Variants in SUSD5 observed in about 807,000 individuals in gnomAD.
The protein encoded by SUSD5 is sushi domain containing 5.
Under a neutral mutation model 29.5 loss-of-function variants are expected in SUSD5, and 33 were observed. That is an observed-to-expected ratio of 1.12 (90% CI 0.85 to 1.49). SUSD5 has a LOEUF of 1.49. Among genes scored for constraint, SUSD5 ranks in the 40% most tolerant of loss-of-function variants. The pLI, the probability that SUSD5 is intolerant of heterozygous loss-of-function variation, is 0.00. For synonymous variants in SUSD5, 308 were observed against 325.3 expected, an observed-to-expected ratio of 0.95 and a Z score of 0.57; for missense variants, 776 against 800.6, an observed-to-expected ratio of 0.97 and a Z score of 0.37.
intron 3 of SUSD5, among the ~76,000 whole-genome samples, chr3:33,199,084 T>C (rs1257032447): frequency 6.6e-6 from 1 of 152,118 alleles, no homozygotes; most frequent in East Asian, 1.9e-4. Context: ...CAATAATGCA[T>C]GCGCACTACT....
At chr3:33,202,066 A>ATCTATCTG (rs1553622594) in intron 3 of SUSD5, among the ~76,000 whole-genome samples, 79 of 104,386 alleles carry the variant, frequency 7.6e-4, no homozygotes, top group Non-Finnish European at 1.2e-3. Flanking sequence ...CTATCTGTCT[A>ATCTATCTG]TCTATCTATC....
chr3:33,171,464 A>AT (rs138849338), intron 4 of SUSD5, among the ~76,000 whole-genome samples: 5 of 152,066 alleles, frequency 3.3e-5, no homozygotes, highest in African/African-American at 1.2e-4. Context: ...GTTGTAGGAA[A>AT]TTTTTTTAAA....
chr3:33,190,894 C>T (rs1275444299), intron 3 of SUSD5, among the ~76,000 whole-genome samples: 1 of 152,148 alleles, frequency 6.6e-6, no homozygotes, highest in Non-Finnish European at 1.5e-5. Context: ...TCATCTCTCT[C>T]CAAAATCATT....
intron 2 of SUSD5, among the ~76,000 whole-genome samples, chr3:33,210,326 G>C (rs1372047119): frequency 6.6e-6 from 1 of 152,134 alleles, no homozygotes; most frequent in South Asian, 2.1e-4. Flanking sequence ...CTTACCCTTA[G>C]GGCATAGCCC....
intron 3 of SUSD5, among the ~76,000 whole-genome samples, chr3:33,183,938 T>A: frequency 1.0e-5 from 1 of 98,058 alleles, no homozygotes; most frequent in South Asian, 3.1e-4. Context: ...CTCTTTTTTT[T>A]TTTTTTTTTT....
intron 1 of SUSD5, 46 bp from the exon 2 acceptor site, chr3:33,214,151 G>A (rs1423767358): frequency 6.5e-7 from 1 of 1,532,940 alleles, no homozygotes; most frequent in Non-Finnish European, 8.8e-7. Flanking sequence ...AGGATCCATG[G>A]GAAGTTAGTC....
At chr3:33,216,640 A>T (rs569776823) in intron 1 of SUSD5, among the ~76,000 whole-genome samples, 5 of 152,202 alleles carry the variant, frequency 3.3e-5, no homozygotes, top group African/African-American at 7.2e-5. Context: ...GCCCACGCAC[A>T]TGATTTCAAA....
intron 4 of SUSD5, among the ~76,000 whole-genome samples, chr3:33,159,668 T>C (rs933149310): frequency 3.3e-5 from 5 of 151,016 alleles, no homozygotes; most frequent in Admixed American, 2.0e-4. Context: ...CCCTCCCCCA[T>C]ACCTACCAAA....
At position 33,153,364 on chromosome 3, in the gene SUSD5, C is replaced by T; in HGVS notation, c.1268G>A (p.Ser423Asn). The change falls in exon 5 of 5, where the codon AGC becomes AAC. Residue 423 changes from serine to asparagine, a missense_variant. Transcript: ENST00000309558. Reference sequence around the variant, plus strand: ...CATGCCCTCGCTTGGTGTGAGGGTGCTACTCTTGGGCTTCTTAACTTCCAC... The same window carrying T: ...CATGCCCTCGCTTGGTGTGAGGGTGTTACTCTTGGGCTTCTTAACTTCCAC... ...ILVEVKKPKS[S>N]TLTPSEGMTH... 1 of 1,613,846 alleles carries T rather than the reference C, an allele frequency of 6.2e-7. No homozygotes were observed. Among genetic ancestry groups the T allele is most frequent in the South Asian group, 1.1e-5 (1 of 91,060 alleles).
intron 2 of SUSD5, 117 bp from the exon 3 acceptor site, chr3:33,208,043 T>A (rs774479925): frequency 1.4e-6 from 1 of 717,914 alleles, no homozygotes; most frequent in East Asian, 2.6e-5. Context: ...TCATGAGCTC[T>A]GTCTGAAAGC....
chr3:33,206,426 T>C (rs1354350788), intron 3 of SUSD5, among the ~76,000 whole-genome samples: 1 of 131,534 alleles, frequency 7.6e-6, no homozygotes, highest in Non-Finnish European at 1.5e-5. Flanking sequence ...TGTGTGTGTG[T>C]GTGTGTGTGT....
Position 33,152,678 on chromosome 3 carries a change from T to A in SUSD5, c.*64A>T. ...ACCTGCGTCATGCTCTAGTGAATTA[T>A]CGTGTGATGTGTCACAGTTATTTTC... On this transcript the variant is annotated 3_prime_UTR_variant, in exon 5 of 5. Coordinates refer to ENST00000309558, the MANE Select transcript of SUSD5 (RefSeq NM_015551.2). The A allele has an allele frequency of 6.7e-7, 1 of 1,484,456 alleles. No homozygotes were observed. Among genetic ancestry groups the A allele is most frequent in the Non-Finnish European group, 9.1e-7 (1 of 1,101,340 alleles). The allele number at this position is 1,484,456 out of a possible 1,614,324, so 92.0% of individuals were successfully genotyped here. A position where few individuals can be genotyped will look rare whatever the true frequency, so the allele number is the denominator to read the frequency against.
chr3:33,160,918 G>A (rs1432918414), intron 4 of SUSD5, among the ~76,000 whole-genome samples: 3 of 152,080 alleles, frequency 2.0e-5, no homozygotes, highest in Non-Finnish European at 2.9e-5. Context: ...ACAGAAGAAC[G>A]TAAAAGCAAC....
intron 3 of SUSD5, among the ~76,000 whole-genome samples, chr3:33,185,419 C>G (rs956114282): frequency 6.6e-6 from 1 of 152,218 alleles, no homozygotes; most frequent in Admixed American, 6.5e-5. Context: ...GACTGGGTCC[C>G]CCTGGAGTTT....
At chr3:33,218,507 C>T (rs1404025965) in intron 1 of SUSD5, among the ~76,000 whole-genome samples, 179 bp downstream of exon 1, 2 of 152,112 alleles carry the variant, frequency 1.3e-5, no homozygotes, top group African/African-American at 2.4e-5. Flanking sequence ...CACGGGCACG[C>T]GGAGACTTGG....
At chr3:33,173,170 G>T (rs535690286) in intron 4 of SUSD5, among the ~76,000 whole-genome samples, 2 of 152,324 alleles carry the variant, frequency 1.3e-5, no homozygotes, top group African/African-American at 4.8e-5. Flanking sequence ...TATTATCAGA[G>T]AAATGAATAT....
At chr3:33,206,272 G>T (rs1575544628) in intron 3 of SUSD5, among the ~76,000 whole-genome samples, 1 of 152,202 alleles carries the variant, frequency 6.6e-6, no homozygotes, top group East Asian at 1.9e-4. Context: ...TACTCAGGAG[G>T]CTGAGGCAGG....
chr3:33,216,789 T>C (rs1356580443), intron 1 of SUSD5, among the ~76,000 whole-genome samples: 1 of 152,188 alleles, frequency 6.6e-6, no homozygotes, highest in Non-Finnish European at 1.5e-5. Context: ...AATAACTAAA[T>C]GTAGGAACTG....
At chr3:33,163,665 C>A (rs1449911159) in intron 4 of SUSD5, among the ~76,000 whole-genome samples, 1 of 152,014 alleles carries the variant, frequency 6.6e-6, no homozygotes, top group African/African-American at 2.4e-5. Context: ...AGTTCTAGAG[C>A]AGCCTGCCAA....
Sources: gnomAD v4.1 joint callset for allele counts (sites outside exome capture counted in the v4.1 genomes callset) on GRCh38, gnomAD v4.1.1 for gene constraint, MANE v1.5 for transcripts, NCBI Gene and HGNC (gene_info 2026-07-23, HGNC 2026-07-21) for gene names.